The following CSMD3 variants were observed in gnomAD, a reference collection of about 807,000 sequenced individuals.
The protein encoded by CSMD3 is CUB and sushi domain-containing protein 3.
In CSMD3, 177 loss-of-function variants were observed where a neutral mutation model predicts 435.2. The ratio of observed to expected loss-of-function variants is 0.41; its 90% confidence interval spans 0.36 to 0.46. CSMD3 has a LOEUF of 0.46. Ranked by LOEUF, CSMD3 falls within the 20% of genes least tolerant of loss-of-function variation. The probability of loss-of-function intolerance (pLI) is 0.34; values close to 1 mark genes in which losing one functional copy is unlikely to be tolerated. For missense variants in CSMD3, 4,265 were observed against 4,504.6 expected, an observed-to-expected ratio of 0.95 and a Z score of 1.52; for synonymous variants, 1,656 against 1,520.5, an observed-to-expected ratio of 1.09 and a Z score of -2.07.
chr8:112,927,870 A>G (rs2082961575), intron 9 of CSMD3, among the ~76,000 whole-genome samples: 1 of 152,136 alleles, frequency 6.6e-6, no homozygotes, highest in Admixed American at 6.6e-5. Context: ...GTTGGTTATA[A>G]TCAGTCTGGA....
chr8:112,535,522 G>A (rs1180217502), intron 27 of CSMD3, among the ~76,000 whole-genome samples: 1 of 151,704 alleles, frequency 6.6e-6, no homozygotes, highest in Non-Finnish European at 1.5e-5. Flanking sequence ...AAATAAAAGA[G>A]GATACAAACA....
intron 41 of CSMD3, among the ~76,000 whole-genome samples, chr8:112,342,979 ATATATATTTATATATATATATT>A (rs1242331906): frequency 1.5e-3 from 132 of 88,084 alleles, no homozygotes; most frequent in African/African-American, 6.3e-3. Flanking sequence ...TATTATATAT[ATATATATTTATATATATATATT>A]TATATATATA....
chr8:112,829,405 T>A (rs1664478047), intron 12 of CSMD3, among the ~76,000 whole-genome samples: 1 of 152,184 alleles, frequency 6.6e-6, no homozygotes, highest in Non-Finnish European at 1.5e-5. Flanking sequence ...CTTAATCTTG[T>A]ATTTCCTAGC....
intron 24 of CSMD3, among the ~76,000 whole-genome samples, chr8:112,566,785 CA>C (rs1339549241): frequency 6.6e-6 from 1 of 152,034 alleles, no homozygotes; most frequent in African/African-American, 2.4e-5. Flanking sequence ...GCAGGCCAGG[CA>C]AAGACCCCAT....
At chr8:112,493,736 G>A (rs977332232) in intron 30 of CSMD3, among the ~76,000 whole-genome samples, 4 of 152,138 alleles carry the variant, frequency 2.6e-5, no homozygotes, top group Non-Finnish European at 5.9e-5. Context: ...GAAATGGAAA[G>A]ATTAGCTCAT....
intron 1 of CSMD3, among the ~76,000 whole-genome samples, chr8:113,425,285 G>T (rs2094629680): frequency 6.6e-6 from 1 of 151,026 alleles, no homozygotes; most frequent in Admixed American, 6.6e-5. Context: ...TTAATCAAAA[G>T]AAAATTATAT....
At chr8:112,657,061 C>CTTTT (rs11387284) in intron 17 of CSMD3, among the ~76,000 whole-genome samples, 2 of 131,634 alleles carry the variant, frequency 1.5e-5, no homozygotes, top group African/African-American at 2.8e-5. Context: ...TTTCTTTTTA[C>CTTTT]TTTTTTTTTT....
At chr8:112,748,342 A>G (rs2077487987) in intron 13 of CSMD3, among the ~76,000 whole-genome samples, 1 of 152,144 alleles carries the variant, frequency 6.6e-6, no homozygotes, top group African/African-American at 2.4e-5. Context: ...ACTTATTTTA[A>G]ATTTTAACTT....
At chr8:112,361,029 C>T (rs898311413) in intron 38 of CSMD3, among the ~76,000 whole-genome samples, 2 of 151,876 alleles carry the variant, frequency 1.3e-5, no homozygotes, top group Non-Finnish European at 2.9e-5. Context: ...TTTTTCACCT[C>T]TTTATAAGTG....
intron 1 of CSMD3, among the ~76,000 whole-genome samples, chr8:113,367,385 CA>C: frequency 1.3e-5 from 2 of 151,970 alleles, no homozygotes; most frequent in Admixed American, 1.3e-4. Context: ...AAATTTACTT[CA>C]TTTTTTAATA....
Position 112,840,996 on chromosome 8 carries a change from T to C in CSMD3, c.1756-11207A>G, listed in dbSNP as rs58963964. Among the ~76,000 whole-genome samples, 866 of 151,722 alleles carry C rather than the reference T, an allele frequency of 5.7e-3. 18 individuals are homozygous for C. The East Asian group carries it at 0.074, about 13-fold the overall frequency. The stretch of plus-strand genomic sequence containing the variant: ...ATTTAAAAAATATATAATAATCTTA[T>C]AGAATATAAAGTCTTCAAACACTCA... On this transcript the variant is annotated intron_variant, in intron 11 of 70. Transcript: ENST00000297405.
chr8:112,306,496 A>C (rs1821435190), intron 50 of CSMD3, among the ~76,000 whole-genome samples: 1 of 152,184 alleles, frequency 6.6e-6, no homozygotes, highest in Non-Finnish European at 1.5e-5. Context: ...ATTATATGAG[A>C]ATGCAAGTTA....
intron 31 of CSMD3, among the ~76,000 whole-genome samples, chr8:112,473,826 AC>A (rs1274174685): frequency 6.7e-6 from 1 of 148,756 alleles, no homozygotes; most frequent in Non-Finnish European, 1.5e-5. Context: ...AGGAACTTGT[AC>A]CTTTTTTCAG....
chr8:112,968,764 G>T (rs1029727944), intron 7 of CSMD3, among the ~76,000 whole-genome samples: 1 of 151,946 alleles, frequency 6.6e-6, no homozygotes, highest in Middle Eastern at 3.4e-3. Flanking sequence ...TTCACCACTT[G>T]CTCAGTGAAA....
At chr8:112,522,833 T>C (rs1008627109) in intron 27 of CSMD3, among the ~76,000 whole-genome samples, 1 of 151,986 alleles carries the variant, frequency 6.6e-6, no homozygotes, top group African/African-American at 2.4e-5. Context: ...ACTTATTTTA[T>C]CTTTGCTTCC....
At chr8:113,355,747 T>TACAC (rs1435607560) in intron 1 of CSMD3, among the ~76,000 whole-genome samples, 172 of 87,508 alleles carry the variant, frequency 2.0e-3, no homozygotes, top group South Asian at 2.6e-3. Context: ...TATATATATA[T>TACAC]ATACACACAC....
intron 67 of CSMD3, among the ~76,000 whole-genome samples, chr8:112,236,178 A>G (rs1813580004): frequency 6.6e-6 from 1 of 151,984 alleles, no homozygotes; most frequent in Admixed American, 6.6e-5. Flanking sequence ...ATCAATGAAT[A>G]TAATTTTATT....
chr8:112,343,357 A>G (rs1825360261), intron 41 of CSMD3, among the ~76,000 whole-genome samples: 1 of 152,120 alleles, frequency 6.6e-6, no homozygotes, highest in Non-Finnish European at 1.5e-5. Flanking sequence ...TATTCTATCA[A>G]TGGACATAGA....
At chr8:112,612,051 C>A (rs1833297165) in intron 22 of CSMD3, among the ~76,000 whole-genome samples, 1 of 152,052 alleles carries the variant, frequency 6.6e-6, no homozygotes. Flanking sequence ...GGTGGGAGTA[C>A]TGTGAATGAA....
Sources: gnomAD v4.1 joint callset for allele counts (sites outside exome capture counted in the v4.1 genomes callset) on GRCh38, gnomAD v4.1.1 for gene constraint, MANE v1.5 for transcripts, NCBI Gene and HGNC (gene_info 2026-07-23, HGNC 2026-07-21) for gene names.